Variants in SH3RF2 observed in about 807,000 individuals in gnomAD.
SH3RF2 encodes E3 ubiquitin-protein ligase SH3RF2.
A neutral mutation model predicts 59.0 loss-of-function variants in SH3RF2; 43 were observed. The observed-to-expected ratio is 0.73, with a 90% CI of 0.57 to 0.94. The LOEUF (loss-of-function observed/expected upper bound fraction) is 0.94. Among genes scored for constraint, SH3RF2 ranks in the 40% least tolerant of loss-of-function variants. The probability of loss-of-function intolerance (pLI) is 0.00; values close to 1 mark genes in which losing one functional copy is unlikely to be tolerated. For synonymous variants in SH3RF2, 391 were observed against 391.5 expected (o/e 1.00, Z 0.01); for missense variants, 930 against 940.1 (o/e 0.99, Z 0.14).
chr5:145,962,110 T>C (rs1246437126), intron 2 of SH3RF2, among the ~76,000 whole-genome samples: 2 of 152,192 alleles, frequency 1.3e-5, no homozygotes, highest in African/African-American at 4.8e-5. Flanking sequence ...CCAATTAGCT[T>C]ACCTGGGGTT....
At chr5:146,071,572 C>A (rs1388112109) in intron 9 of SH3RF2, among the ~76,000 whole-genome samples, 3 of 152,082 alleles carry the variant, frequency 2.0e-5, no homozygotes, top group African/African-American at 7.2e-5. Context: ...GTTATGGGGG[C>A]CTCCAACAGA....
chr5:145,938,961 A>G (rs1424788595), intron 2 of SH3RF2, among the ~76,000 whole-genome samples: 3 of 152,268 alleles, frequency 2.0e-5, no homozygotes, highest in Admixed American at 2.0e-4. Flanking sequence ...AATGAAATAC[A>G]GAGAAGATAC....
intron 8 of SH3RF2, among the ~76,000 whole-genome samples, chr5:146,057,389 C>T (rs10036549): frequency 0.036 from 5,447 of 152,184 alleles, 298 homozygotes; most frequent in African/African-American, 0.12. Flanking sequence ...TAAGTAATCC[C>T]ACCACAACAG....
At chr5:145,993,838 G>T (rs1480501099) in intron 2 of SH3RF2, among the ~76,000 whole-genome samples, 1 of 152,056 alleles carries the variant, frequency 6.6e-6, no homozygotes, top group African/African-American at 2.4e-5. Flanking sequence ...GTCGTCTTGG[G>T]GATTAACACT....
downstream of SH3RF2, among the ~76,000 whole-genome samples, chr5:146,064,271 C>G (rs1297760722): frequency 6.6e-6 from 1 of 151,818 alleles, no homozygotes. Context: ...CCTTACATTC[C>G]CTGACAGGGT....
chr5:146,075,778 T>TAAAAAAAAAAAAAAAAA (rs56300547), intron 9 of SH3RF2, among the ~76,000 whole-genome samples: 1 of 76,964 alleles, frequency 1.3e-5, no homozygotes, highest in African/African-American at 4.6e-5. Flanking sequence ...AAATTCCATG[T>TAAAAAAAAAAAAAAAAA]AAAAAAAAAA....
At chr5:146,004,706 GAATA>G (rs1187060757) in intron 4 of SH3RF2, among the ~76,000 whole-genome samples, 339 of 151,772 alleles carry the variant, frequency 2.2e-3, no homozygotes, top group African/African-American at 6.2e-3. Context: ...TATTTATGGA[GAATA>G]AATAAATGGA....
intron 2 of SH3RF2, among the ~76,000 whole-genome samples, chr5:145,954,340 A>T (rs1209842885): frequency 1.3e-5 from 2 of 152,058 alleles, no homozygotes; most frequent in Non-Finnish European, 2.9e-5. Flanking sequence ...TGCTTGTTGG[A>T]TGCATTATGT....
At chr5:146,020,143 A>C (rs922407251) in intron 5 of SH3RF2, among the ~76,000 whole-genome samples, 18 of 152,166 alleles carry the variant, frequency 1.2e-4, no homozygotes, top group African/African-American at 4.3e-4. Context: ...AAGATTAAGT[A>C]ATTTGCACAA....
intron 4 of SH3RF2, among the ~76,000 whole-genome samples, chr5:146,010,227 C>T (rs1399715060): frequency 7.9e-5 from 12 of 152,126 alleles, no homozygotes; most frequent in Non-Finnish European, 1.5e-4. Flanking sequence ...TTTATGGCTG[C>T]GTAGTATTCC....
intron 7 of SH3RF2, among the ~76,000 whole-genome samples, chr5:146,053,722 A>G (rs561038092): frequency 4.6e-5 from 7 of 152,222 alleles, no homozygotes; most frequent in South Asian, 2.1e-4. Context: ...CTTCTGCCCA[A>G]TTAGCCAGGA....
chr5:146,064,855 AG>A (rs1763060462), downstream of SH3RF2, among the ~76,000 whole-genome samples: 1 of 24,172 alleles, frequency 4.1e-5, no homozygotes, highest in Non-Finnish European at 1.8e-4. Context: ...AAAGAAAGAA[AG>A]AAAGAAAGAG....
chr5:146,043,598 CA>C (rs1311921651), intron 5 of SH3RF2, among the ~76,000 whole-genome samples: 1 of 152,208 alleles, frequency 6.6e-6, no homozygotes, highest in African/African-American at 2.4e-5. Context: ...TGCATCATCT[CA>C]AAAAGCTCTC....
chr5:146,064,630 G>A (rs62392720), downstream of SH3RF2, among the ~76,000 whole-genome samples: 2 of 56,416 alleles, frequency 3.5e-5, no homozygotes, highest in Non-Finnish European at 7.6e-5. Flanking sequence ...AGAGAGAGAG[G>A]AGAGAGAGAG....
At chr5:146,026,007 T>G (rs575678253) in intron 5 of SH3RF2, among the ~76,000 whole-genome samples, 20 of 152,212 alleles carry the variant, frequency 1.3e-4, no homozygotes, top group Non-Finnish European at 2.6e-4. Flanking sequence ...ATCTGTCATT[T>G]GTGTGACTGG....
rs1226203186 is a variant in SH3RF2, at chr5:146,063,012, G to A, written c.*311G>A. 1.7e-5 allele frequency: 6 copies of A among 360,944 alleles called. No homozygotes were observed. Among genetic ancestry groups the A allele is most frequent in the African/African-American group, 2.1e-5 (1 of 48,186 alleles). The allele number at this position is 360,944 out of a possible 1,614,324, so 22.4% of individuals were successfully genotyped here. ...GAGTATGTGGCCTCTTGTCATCCCC[G>A]TGTTACTGTGTAGAATTTCTATGGT... is the stretch of plus-strand genomic sequence containing the variant. On this transcript the variant is annotated 3_prime_UTR_variant, in exon 10 of 10. Coordinates refer to ENST00000359120, the MANE Select transcript of SH3RF2 (RefSeq NM_152550.4).
chr5:145,993,246 C>T (rs1011404058), intron 2 of SH3RF2, among the ~76,000 whole-genome samples: 4 of 152,178 alleles, frequency 2.6e-5, no homozygotes, highest in Non-Finnish European at 5.9e-5. Flanking sequence ...TACAGCCTTC[C>T]TCCCAGCTGC....
intron 2 of SH3RF2, among the ~76,000 whole-genome samples, chr5:145,941,054 A>C (rs1348524539): frequency 6.6e-6 from 1 of 152,170 alleles, no homozygotes; most frequent in Non-Finnish European, 1.5e-5. Flanking sequence ...AAAGTACTCC[A>C]CTCAGAGAGC....
intron 2 of SH3RF2, among the ~76,000 whole-genome samples, chr5:145,971,198 A>G (rs1334209257): frequency 6.6e-6 from 1 of 152,220 alleles, no homozygotes. Flanking sequence ...GATGTCTGTT[A>G]TATTTAAAAC....
Sources: allele counts gnomAD v4.1 joint callset (sites outside exome capture counted in the v4.1 genomes callset), GRCh38; gene constraint gnomAD v4.1.1; transcripts MANE v1.5; gene names NCBI Gene and HGNC (gene_info 2026-07-23, HGNC 2026-07-21).